Variants in APOB observed in about 807,000 individuals in gnomAD.
APOB encodes apolipoprotein B-100.
Under a neutral mutation model 314.1 loss-of-function variants are expected in APOB, and 153 were observed. That is an observed-to-expected ratio of 0.49 (90% CI 0.43 to 0.56). The LOEUF (loss-of-function observed/expected upper bound fraction) is 0.56. Among genes scored for constraint, APOB ranks in the 20% least tolerant of loss-of-function variants. APOB has a pLI of 0.00. For missense variants in APOB, 5,430 were observed against 5,350.7 expected, an observed-to-expected ratio of 1.01 and a Z score of -0.46; for synonymous variants, 2,087 against 2,036.4, an observed-to-expected ratio of 1.02 and a Z score of -0.67.
At chr2:21,016,765 A>T in intron 20 of APOB, 116 bp from the exon 21 acceptor site, 2 of 732,116 alleles carry the variant, frequency 2.7e-6, no homozygotes, top group South Asian at 1.4e-5. Flanking sequence ...CGGGCAGATC[A>T]TGAGGTCAGG....
intron 16 of APOB, chr2:21,024,620 A>T (rs1663687917): frequency 3.9e-6 from 2 of 519,256 alleles, no homozygotes; most frequent in Admixed American, 3.7e-5. Context: ...TCAAAAAATT[A>T]AAAAAATAAA....
chr2:21,006,408 G>T lies in APOB; in HGVS notation c.10460C>A (p.Thr3487Asn), dbSNP rs369574095. ...AGATGACTCAATGGAAAAGTAAGAG[G>T]TGAGGCTTTCCAAGCTAAGCTTGTG... The part of the protein sequence containing the change: ...VDHKLSLESL[T>N]SYFSIESSTK... Residue 3487 changes from threonine (T) to asparagine (N), a missense_variant, in exon 26 of 29, where the codon ACC becomes AAC. Thr to Asn is a moderately conservative substitution (Grantham distance 65, BLOSUM62 0). Around this residue, in one of 3 missense-constraint regions of APOB, gnomAD observed 3,281 missense variants for 3,171.0 expected, o/e 1.03. Transcript: ENST00000233242. 1.2e-6 allele frequency: 2 copies of T among 1,613,952 alleles called. No homozygotes were observed. Among genetic ancestry groups the T allele is most frequent in the African/African-American group, 2.7e-5 (2 of 74,928 alleles).
At chr2:21,022,638 G>A (rs988280067) in intron 18 of APOB, among the ~76,000 whole-genome samples, 193 bp downstream of exon 18, 1 of 152,160 alleles carries the variant, frequency 6.6e-6, no homozygotes, top group Admixed American at 6.5e-5. Context: ...TAGAAGAAAG[G>A]TAATTATGTA....
At chr2:21,017,119 A>G (rs1663499108) in intron 20 of APOB, among the ~76,000 whole-genome samples, 1 of 152,014 alleles carries the variant, frequency 6.6e-6, no homozygotes, top group Non-Finnish European at 1.5e-5. Context: ...AAACAAAAAC[A>G]CAGTTCAGGA....
Position 21,009,248 on chromosome 2 carries a change from G to C in APOB, c.7620C>G (p.Gly2540=). The change falls in exon 26 of 29, where the codon GGC becomes GGG. Residue 2540 remains glycine (G), a synonymous_variant. Coordinates refer to ENST00000233242, the MANE Select transcript of APOB (RefSeq NM_000384.3). ...AGGTGACAAGTGTGCTATAAACCTG[G>C]CCTACCAGAGACAGGTATCGTTGAA... is the stretch of plus-strand genomic sequence containing the variant. ...QELQRYLSLV[G]QVYSTLVTYI... is the part of the protein sequence containing the mutation. 1 of 1,614,022 alleles carries C rather than the reference G, an allele frequency of 6.2e-7. No homozygotes were observed. Among genetic ancestry groups the C allele is most frequent in the Non-Finnish European group, 8.5e-7 (1 of 1,179,938 alleles).
chr2:21,010,657 G>T lies in APOB; in HGVS notation c.6211C>A (p.Leu2071Ile). The T allele has an allele frequency of 6.2e-7, 1 of 1,614,052 alleles. No homozygotes were observed. The highest frequency in any genetic ancestry group is 1.7e-5 in the Admixed American group (1 of 59,988). The change falls in exon 26 of 29, where the codon CTC becomes ATC. Residue 2071 changes from leucine (L) to isoleucine (I), a missense_variant. Physicochemically the swap from Leu to Ile is conservative, Grantham distance 5 (BLOSUM62 2). Around this residue, in one of 3 missense-constraint regions of APOB, gnomAD observed 3,281 missense variants for 3,171.0 expected, o/e 1.03. Transcript: ENST00000233242. The part of the protein sequence containing the change: ...DKNQDVHSIN[L>I]PFFETLQEYF... Reference sequence around the variant, plus strand: ...TCTTGCAAGGTCTCAAAAAATGGGAGGTTAATGGAGTGAACATCTTGGTTT... The same window carrying T: ...TCTTGCAAGGTCTCAAAAAATGGGATGTTAATGGAGTGAACATCTTGGTTT...
chr2:21,025,455 C>G (rs1485109282), intron 15 of APOB, among the ~76,000 whole-genome samples: 2 of 152,188 alleles, frequency 1.3e-5, no homozygotes, highest in African/African-American at 4.8e-5. Flanking sequence ...CCGTTCCCTG[C>G]TTAGCCTTCT....
chr2:21,043,887 A>G lies in APOB; in HGVS notation c.59T>C (p.Leu20Pro). ...ALLALPALLL[L>P]LLAGARAEEE... Reference sequence around the variant, plus strand: ...ACCGGCCCTGGCGCCCGCCAGCAGCAGCAGCAGCAGCGCAGGCAGCGCCAG... The same window carrying G: ...ACCGGCCCTGGCGCCCGCCAGCAGCGGCAGCAGCAGCGCAGGCAGCGCCAG... The change falls in exon 1 of 29, where the codon CTG becomes CCG. Residue 20 changes from leucine (L) to proline (P), a missense_variant. Leu to Pro is a moderately conservative substitution (Grantham distance 98). Coordinates refer to ENST00000233242, the MANE Select transcript of APOB (RefSeq NM_000384.3). 1 of 1,476,426 alleles carries G rather than the reference A, an allele frequency of 6.8e-7. No individual in the cohort carries two copies. Among genetic ancestry groups the G allele is most frequent in the Non-Finnish European group, 8.9e-7 (1 of 1,120,020 alleles). 91.5% of individuals were successfully genotyped at this position (1,476,426 alleles called of 1,614,324 possible). A position where few individuals can be genotyped will look rare whatever the true frequency, so the allele number is the denominator to read the frequency against.
In APOB at chr2:21,013,369, T is replaced by C. The variant is rs1194204116; in HGVS notation, c.4007A>G (p.Gln1336Arg). 1 of 1,614,074 alleles carries C rather than the reference T, an allele frequency of 6.2e-7. No homozygotes were observed. The highest frequency in any genetic ancestry group is 1.7e-5 in the Admixed American group (1 of 60,008). The stretch of plus-strand genomic sequence containing the variant: ...CTTGGGAATGGTAAAAGTAGGGACT[T>C]GGAACTCTCGAGATGGCAGATGGAA... ...VGFHLPSREF[Q>R]VPTFTIPKLY... The change falls in exon 25 of 29, where the codon CAA (glutamine) becomes CGA (arginine). Residue 1336 changes from glutamine to arginine, a missense_variant. Physicochemically the swap from Gln to Arg is conservative, Grantham distance 43. Transcript: ENST00000233242.
At chr2:21,004,512 A>C (rs1423395033) in intron 27 of APOB, 49 bp downstream of exon 27, 1 of 1,612,622 alleles carries the variant, frequency 6.2e-7, no homozygotes, top group Non-Finnish European at 8.5e-7. Context: ...AGAAAATCAC[A>C]ATGAGTTTTC....
At chr2:21,037,000 C>A (rs911910997) in intron 6 of APOB, 100 bp downstream of exon 6, 15 of 1,466,530 alleles carry the variant, frequency 1.0e-5, no homozygotes, top group Admixed American at 5.6e-5. Flanking sequence ...ACAGCCAGGG[C>A]AGGCTGTCCT....
chr2:21,033,307 C>T lies in APOB; in HGVS notation c.1116G>A (p.Glu372=). Residue 372 remains glutamate, a synonymous_variant, in exon 9 of 29, where the codon GAG becomes GAA. Transcript: ENST00000233242. The stretch of plus-strand genomic sequence containing the variant: ...CTGTAACCATTAGATACCTGGACAC[C>T]TCAATCAGCTGTGGCAAGAGAGATG... ...AVTSLLPQLI[E]VSSPITLQAL... 4 of 1,613,670 alleles carry T rather than the reference C, an allele frequency of 2.5e-6. No homozygotes were observed. The highest frequency in any genetic ancestry group is 3.4e-6 in the Non-Finnish European group (4 of 1,179,568).
intron 25 of APOB, 23 bp downstream of exon 25, chr2:21,013,137 C>A: frequency 6.2e-7 from 1 of 1,612,854 alleles, no homozygotes. Context: ...GCCCGGTGCA[C>A]CCTTTACCTG....
rs72653101 is a variant in APOB, at chr2:21,007,547, G to A, written c.9321C>T (p.Asn3107=). Residue 3107 remains asparagine, a synonymous_variant, in exon 26 of 29, where the codon AAC becomes AAT. Coordinates refer to ENST00000233242, the MANE Select transcript of APOB (RefSeq NM_000384.3). ...CTACATGGGCCTCCATAATGTTCTC[G>A]TTGTTTCCAGCAGAGAAATTTTGGT... The part of the protein sequence containing the change: ...KYNQNFSAGN[N]ENIMEAHVGI... 7.7e-5 allele frequency: 124 copies of A among 1,614,004 alleles called. No homozygotes were observed. The highest frequency in any genetic ancestry group is 8.8e-5 in the South Asian group (8 of 91,070).
At position 21,011,759 on chromosome 2, in the gene APOB, G is replaced by A. The variant is rs535176100; in HGVS notation, c.5109C>T (p.Ala1703=). 21 of 1,614,068 alleles carry A rather than the reference G, an allele frequency of 1.3e-5. No individual in the cohort carries two copies. The highest frequency in any genetic ancestry group is 6.7e-5 in the Admixed American group (4 of 60,018). ...HNAKFSLDGK[A]ALTELSLGSA... ...TTCCCAGTGATAGCTCTGTGAGGGC[G>A]GCTTTCCCATCCAGACTGAATTTTG... The change falls in exon 26 of 29, where the codon GCC becomes GCT. Residue 1703 remains alanine, a synonymous_variant. Coordinates refer to ENST00000233242, the MANE Select transcript of APOB (RefSeq NM_000384.3).
chr2:21,003,148 G>A lies in APOB; in HGVS notation c.12274C>T (p.His4092Tyr), dbSNP rs1281955251. 6.2e-7 allele frequency: 1 copy of A among 1,613,544 alleles called. No individual in the cohort carries two copies. Among genetic ancestry groups the A allele is most frequent in the South Asian group, 1.1e-5 (1 of 91,040 alleles). Residue 4092 changes from histidine to tyrosine, a missense_variant, in exon 29 of 29, where the codon CAC (histidine) becomes TAC (tyrosine). This residue lies in a region of APOB where 3,281 missense variants were observed against 3,171.0 expected (regional missense o/e 1.03). Coordinates refer to ENST00000233242, the MANE Select transcript of APOB (RefSeq NM_000384.3). ...ACTTCTCTCAGGGTGAGCCCTGTGTGTTCCCAGTGGTACTTGTTGACATAA... is the reference window on the plus strand; with the variant it reads ...ACTTCTCTCAGGGTGAGCCCTGTGTATTCCCAGTGGTACTTGTTGACATAA... ...YDYVNKYHWE[H>Y]TGLTLREVSS... is the part of the protein sequence containing the mutation.
intron 26 of APOB, 54 bp from the exon 27 acceptor site, chr2:21,004,729 G>T: frequency 7.4e-7 from 1 of 1,358,086 alleles, no homozygotes; most frequent in Non-Finnish European, 1.1e-6. Flanking sequence ...GGACGTTGAT[G>T]TTTTCATTGT....
In APOB at chr2:21,012,245, G is replaced by C. The variant is rs1663345570; in HGVS notation, c.4623C>G (p.Thr1541=). 1.2e-6 allele frequency: 2 copies of C among 1,611,612 alleles called. No homozygotes were observed. The highest frequency in any genetic ancestry group is 1.7e-5 in the Admixed American group (1 of 59,914). Reference sequence around the variant, plus strand: ...GATCAGAGGTGGAGGTGAGGGAGAGGGTTCCATCTTCATATCTTCCTGTTA... The same window carrying C: ...GATCAGAGGTGGAGGTGAGGGAGAGCGTTCCATCTTCATATCTTCCTGTTA... The part of the protein sequence containing the change: ...NQITGRYEDG[T]LSLTSTSDLQ... The change falls in exon 26 of 29, where the codon ACC becomes ACG. Residue 1541 remains threonine, a synonymous_variant. Coordinates refer to ENST00000233242, the MANE Select transcript of APOB (RefSeq NM_000384.3).
Position 21,007,746 on chromosome 2 carries a change from G to C in APOB, c.9122C>G (p.Ala3041Gly). Residue 3041 changes from alanine (A) to glycine (G), a missense_variant, in exon 26 of 29, where the codon GCC (alanine) becomes GGC (glycine). By Grantham distance (60) the Ala-to-Gly change is moderately conservative. This residue lies in a region of APOB where 3,281 missense variants were observed against 3,171.0 expected (regional missense o/e 1.03). Coordinates refer to ENST00000233242, the MANE Select transcript of APOB (RefSeq NM_000384.3). The part of the protein sequence containing the change: ...GTLKNSLFFS[A>G]QPFEITASTN... Reference sequence around the variant, plus strand: ...GGATGCCGTGATCTCAAATGGCTGGGCTGAAAAGAAAAGAGAATTTTTCAA... The same window carrying C: ...GGATGCCGTGATCTCAAATGGCTGGCCTGAAAAGAAAAGAGAATTTTTCAA... 1 of 1,614,020 alleles carries C rather than the reference G, an allele frequency of 6.2e-7. No homozygotes were observed. Among genetic ancestry groups the C allele is most frequent in the Non-Finnish European group, 8.5e-7 (1 of 1,179,952 alleles).
Sources: allele counts gnomAD v4.1 joint callset (sites outside exome capture counted in the v4.1 genomes callset), GRCh38; gene constraint gnomAD v4.1.1; regional missense constraint gnomAD v4.1.1; transcripts MANE v1.5; gene names NCBI Gene and HGNC (gene_info 2026-07-23, HGNC 2026-07-21).